NRSN1: variants seen among roughly 807,000 people sequenced by gnomAD.
The protein encoded by NRSN1 is neurensin 1, also known as neurensin-1.
In NRSN1, 14 loss-of-function variants were observed where a neutral mutation model predicts 17.3. That is an observed-to-expected ratio of 0.81 (90% CI 0.54 to 1.27). The LOEUF is 1.27. Ranked by LOEUF, NRSN1 falls within the 50% of genes most tolerant of loss-of-function variation. The pLI is 0.00. For synonymous variants in NRSN1, 79 were observed against 94.2 expected (o/e 0.84, Z 0.93); for missense variants, 209 against 235.9 (o/e 0.89, Z 0.75).
At chr6:24,142,191 C>CTTTTTTTTTT (rs751168423) in intron 3 of NRSN1, among the ~76,000 whole-genome samples, 494 of 44,456 alleles carry the variant, frequency 0.011, 136 homozygotes, top group Admixed American at 0.028. Context: ...TACAGAACAG[C>CTTTTTTTTTT]TTTTTTTTTT....
At position 24,145,274 on chromosome 6, in the gene NRSN1, C is replaced by T. The variant is rs1329740080; in HGVS notation, c.190-274C>T. Among the ~76,000 whole-genome samples, 11 of 144,816 alleles carry T rather than the reference C, an allele frequency of 7.6e-5. No homozygotes were observed. The highest frequency in any genetic ancestry group is 6.2e-4 in the Admixed American group (9 of 14,438). On this transcript the variant is annotated intron_variant, in intron 3 of 3. Coordinates refer to ENST00000378491, the MANE Select transcript of NRSN1 (RefSeq NM_080723.5). The surrounding 1 kb of genome is among the most constrained non-coding windows in gnomAD (Gnocchi z 4.4). ...GATTATATATATATCTTTAGATATA[C>T]AATATATGTATATCTTTAGATATAT...
At chr6:24,135,616 G>C (rs12208318) in intron 3 of NRSN1, among the ~76,000 whole-genome samples, 10,916 of 152,278 alleles carry the variant, frequency 0.072, 543 homozygotes, top group East Asian at 0.17. Flanking sequence ...AAAGATGCTG[G>C]TGGCGTTAGT....
intron 3 of NRSN1, among the ~76,000 whole-genome samples, chr6:24,137,445 T>G (rs1760133313): frequency 4.6e-5 from 7 of 152,130 alleles, no homozygotes; most frequent in Admixed American, 4.6e-4. Flanking sequence ...TTTCTTCACC[T>G]CTGAATAAGA....
At chr6:24,144,632 A>C (rs1371916774) in intron 3 of NRSN1, among the ~76,000 whole-genome samples, 3 of 152,152 alleles carry the variant, frequency 2.0e-5, no homozygotes, top group Non-Finnish European at 4.4e-5. Context: ...CATGAGAAAG[A>C]AGTAGGTGTC....
At chr6:24,132,507 G>A (rs924742052) in intron 2 of NRSN1, among the ~76,000 whole-genome samples, 6 of 152,138 alleles carry the variant, frequency 3.9e-5, no homozygotes, top group East Asian at 1.9e-4. Context: ...ACTTTGTCAC[G>A]TATAGACTAT....
intron 2 of NRSN1, chr6:24,129,704 G>C (rs1759999737): frequency 6.6e-6 from 1 of 152,172 alleles, no homozygotes; most frequent in Non-Finnish European, 1.5e-5. Context: ...TGATAGGTGT[G>C]CTGAGTTGGT....
chr6:24,145,516 T>C lies in NRSN1; in HGVS notation c.190-32T>C. On this transcript the variant is annotated intron_variant, in intron 3 of 3. Transcript: ENST00000378491. The surrounding 1 kb of genome is among the most constrained non-coding windows in gnomAD (Gnocchi z 4.4). ...GGGCGAGCCGAAGCACCTTCCTCAC[T>C]CTATCTTGCTTCTGTCATTATCTAC... 6.5e-7 allele frequency: 1 copy of C among 1,526,820 alleles called. No homozygotes were observed. The highest frequency in any genetic ancestry group is 8.8e-7 in the Non-Finnish European group (1 of 1,132,520). 94.6% of individuals were successfully genotyped at this position (1,526,820 alleles called of 1,614,324 possible).
chr6:24,142,213 T>TTTTTTTTC (rs957826257), intron 3 of NRSN1, among the ~76,000 whole-genome samples: 5,029 of 131,832 alleles, frequency 0.038, 368 homozygotes, highest in East Asian at 0.1. Flanking sequence ...TTTTTTTTTT[T>TTTTTTTTC]TCAGAAGACA....
In NRSN1 at chr6:24,146,356, C is replaced by T; in HGVS notation, c.*410C>T. On this transcript the variant is annotated 3_prime_UTR_variant, in exon 4 of 4. Coordinates refer to ENST00000378491, the MANE Select transcript of NRSN1 (RefSeq NM_080723.5). ...TTTCTGCGTGGTGCTGTCTTCCATT[C>T]CTGTCTCACTATGTGTAAGATTTTG... 4.3e-6 allele frequency: 2 copies of T among 465,392 alleles called. No individual in the cohort carries two copies. Among genetic ancestry groups the T allele is most frequent in the African/African-American group, 4.0e-5 (2 of 50,202 alleles). The allele number at this position is 465,392 out of a possible 1,614,324, so 28.8% of individuals were successfully genotyped here.
rs553681753 is a variant in NRSN1, at chr6:24,145,910, C to T, written c.552C>T (p.Ser184=). The T allele has an allele frequency of 6.1e-5, 98 of 1,613,200 alleles. No homozygotes were observed. The highest frequency in any genetic ancestry group is 1.7e-4 in the Middle Eastern group (1 of 6,054). ...PGETKIPVTL[S]RVQNVQPLLA... ...AAACAAAGATTCCAGTCACTTTGTC[C>T]AGGGTTCAAAATGTCCAGCCTCTAC... Residue 184 remains serine (S), a synonymous_variant, in exon 4 of 4, where the codon TCC becomes TCT. Transcript: ENST00000378491. This position sits in a 1 kb window ranked among gnomAD's most constrained non-coding sequence, Gnocchi z 4.4.
chr6:24,141,243 C>G, intron 3 of NRSN1: 1 of 1,265,192 alleles, frequency 7.9e-7, no homozygotes, highest in Non-Finnish European at 1.0e-6. Flanking sequence ...GACCTGGGAC[C>G]AATTCGACTT....
rs992424565 is a variant in NRSN1, at chr6:24,145,461, A to G, written c.190-87A>G. On this transcript the variant is annotated intron_variant, in intron 3 of 3. Coordinates refer to ENST00000378491, the MANE Select transcript of NRSN1 (RefSeq NM_080723.5). This position sits in a 1 kb window ranked among gnomAD's most constrained non-coding sequence, Gnocchi z 4.4. ...TGGGAATATTCATTTCTCTCAAGAA[A>G]CAAGACAAGTGCTGCCCTTGAGGGC... The G allele has an allele frequency of 1.0e-6, 1 of 976,370 alleles. No homozygotes were observed. The highest frequency in any genetic ancestry group is 2.8e-5 in the East Asian group (1 of 36,010). The allele number at this position is 976,370 out of a possible 1,614,324, so 60.5% of individuals were successfully genotyped here.
intron 1 of NRSN1, among the ~76,000 whole-genome samples, chr6:24,126,720 GC>G (rs68002005): frequency 0.067 from 10,265 of 152,190 alleles, 486 homozygotes; most frequent in East Asian, 0.17. Context: ...TCTAGAGTTT[GC>G]AAAGTTGGTT....
intron 3 of NRSN1, among the ~76,000 whole-genome samples, chr6:24,142,649 G>A (rs544564487): frequency 3.3e-4 from 50 of 152,126 alleles, no homozygotes; most frequent in East Asian, 1.9e-3. Context: ...AGTAGAGATG[G>A]GGTTTGACCA....
intron 3 of NRSN1, among the ~76,000 whole-genome samples, chr6:24,137,729 G>C (rs970706764): frequency 4.0e-5 from 6 of 151,808 alleles, no homozygotes; most frequent in Non-Finnish European, 7.4e-5. Context: ...TCCCCTTCCT[G>C]GTACACAGAT....
At chr6:24,139,473 A>G (rs1760167841) in intron 3 of NRSN1, among the ~76,000 whole-genome samples, 1 of 152,238 alleles carries the variant, frequency 6.6e-6, no homozygotes, top group African/African-American at 2.4e-5. Flanking sequence ...ATCCACCACT[A>G]TGACTGTGAG....
rs749958832 is a variant in NRSN1 at position 24,145,950 on chromosome 6, C to A, written c.*4C>A. Reference sequence around the variant, plus strand: ...CCAGCCTCTACTGGCAACCTGAAACCTTTCCCACCCCAGTTCTTCTTGTCT... The same window carrying A: ...CCAGCCTCTACTGGCAACCTGAAACATTTCCCACCCCAGTTCTTCTTGTCT... On this transcript the variant is annotated 3_prime_UTR_variant, in exon 4 of 4. Transcript: ENST00000378491. This position sits in a 1 kb window ranked among gnomAD's most constrained non-coding sequence, Gnocchi z 4.4. 1.9e-6 allele frequency: 3 copies of A among 1,595,962 alleles called. No individual in the cohort carries two copies. Among genetic ancestry groups the A allele is most frequent in the Non-Finnish European group, 2.6e-6 (3 of 1,172,766 alleles).
chr6:24,128,631 C>T (rs905944059), intron 2 of NRSN1: 6 of 152,198 alleles, frequency 3.9e-5, no homozygotes, highest in African/African-American at 1.4e-4. Flanking sequence ...ATGAGTCTGA[C>T]TGAATCTTTT....
rs957826257 is a variant in NRSN1, at chr6:24,142,213, T to TTTTTTTTTTC, written c.190-3334_190-3333insTTTTTTTTCT. ...CAGCTTTTTTTTTTTTTTTTTTTTT[T>TTTTTTTTTTC]TCAGAAGACATCCTATTGACTCTTT... On this transcript the variant is annotated intron_variant, in intron 3 of 3. Coordinates refer to ENST00000378491, the MANE Select transcript of NRSN1 (RefSeq NM_080723.5). Among the ~76,000 whole-genome samples the TTTTTTTTTTC allele has an allele frequency of 1.2e-3, 163 of 132,618 alleles. 4 individuals are homozygous for TTTTTTTTTTC. Among genetic ancestry groups the TTTTTTTTTTC allele is most frequent in the South Asian group, 3.1e-3 (12 of 3,928 alleles). 87.0% of individuals were successfully genotyped at this position (132,618 alleles called of 152,430 possible).
Sources: allele counts gnomAD v4.1 joint callset (sites outside exome capture counted in the v4.1 genomes callset), GRCh38; gene constraint gnomAD v4.1.1; non-coding constraint Gnocchi (gnomAD v3.1); transcripts MANE v1.5; gene names NCBI Gene and HGNC (gene_info 2026-07-23, HGNC 2026-07-21).